Variants in VRTN observed in about 807,000 individuals in gnomAD.
VRTN encodes the protein vertebrae development associated.
In VRTN, 5 loss-of-function variants were observed where a neutral mutation model predicts 18.2. The ratio of observed to expected loss-of-function variants is 0.27; its 90% CI spans 0.14 to 0.58. The LOEUF (loss-of-function observed/expected upper bound fraction) is 0.58. Ranked by LOEUF, VRTN falls within the 20% of genes least tolerant of loss-of-function variation. The pLI is 0.91. For missense variants in VRTN, 741 were observed against 939.4 expected, an observed-to-expected ratio of 0.79 and a Z score of 2.76; for synonymous variants, 381 against 393.7, an observed-to-expected ratio of 0.97 and a Z score of 0.38.
chr14:74,320,316 A>G (rs2085445743), intron 1 of VRTN, among the ~76,000 whole-genome samples: 1 of 123,900 alleles, frequency 8.1e-6, no homozygotes, highest in East Asian at 2.8e-4. Flanking sequence ...GCTGGAGTGC[A>G]GTGGCACAAT....
chr14:74,340,260 G>A (rs887245650), intron 2 of VRTN, among the ~76,000 whole-genome samples: 14 of 152,120 alleles, frequency 9.2e-5, no homozygotes, highest in African/African-American at 3.4e-4. Flanking sequence ...TTATAGGCAT[G>A]TGCCACCACG....
At chr14:74,350,899 CT>C (rs1260429412) in intron 1 of VRTN, among the ~76,000 whole-genome samples, 1 of 152,230 alleles carries the variant, frequency 6.6e-6, no homozygotes, top group Admixed American at 6.5e-5. Context: ...ACATCATGCT[CT>C]CCTCAGGAAA....
At chr14:74,334,618 A>G (rs2085551565) in intron 1 of VRTN, among the ~76,000 whole-genome samples, 2 of 152,236 alleles carry the variant, frequency 1.3e-5, no homozygotes, top group South Asian at 4.1e-4. Context: ...ACTGTTTTCC[A>G]AATTTTATAG....
chr14:74,354,867 C>T (rs1034557059), intron 1 of VRTN, among the ~76,000 whole-genome samples: 5 of 151,810 alleles, frequency 3.3e-5, no homozygotes, highest in African/African-American at 1.2e-4. Flanking sequence ...TAGGGCTGGG[C>T]GTGACGGCTC....
intron 1 of VRTN, among the ~76,000 whole-genome samples, chr14:74,327,710 TTTATTA>T (rs1555410821): frequency 2.6e-5 from 4 of 150,994 alleles, no homozygotes; most frequent in Admixed American, 1.3e-4. Flanking sequence ...TTGATTTTAT[TTTATTA>T]TTATTATTAT....
chr14:74,319,494 T>G (rs1296238951), intron 1 of VRTN, among the ~76,000 whole-genome samples: 1 of 152,190 alleles, frequency 6.6e-6, no homozygotes, highest in Non-Finnish European at 1.5e-5. Context: ...CCGCTTCAAG[T>G]GCAACTTTAA....
At chr14:74,356,318 G>A (rs2085727047) in intron 1 of VRTN, among the ~76,000 whole-genome samples, 1 of 151,788 alleles carries the variant, frequency 6.6e-6, no homozygotes. Context: ...AGAGTAGCTG[G>A]GATTACAGGC....
chr14:74,327,757 C>T (rs1344477383), intron 1 of VRTN, among the ~76,000 whole-genome samples: 1 of 152,012 alleles, frequency 6.6e-6, no homozygotes, highest in East Asian at 1.9e-4. Context: ...CACTTCGTTG[C>T]CCAGGCAGGA....
intron 1 of VRTN, among the ~76,000 whole-genome samples, chr14:74,315,237 G>A (rs538234911): frequency 9.2e-5 from 14 of 152,134 alleles, no homozygotes; most frequent in South Asian, 8.3e-4. Context: ...AAATTGAGAC[G>A]GAGTCTCACT....
rs138726657 is a variant in VRTN, at chr14:74,358,023, T to C, written c.1240T>C (p.Ser414Pro). 7.4e-6 allele frequency: 12 copies of C among 1,614,084 alleles called. No individual in the cohort carries two copies. In the African/African-American group the frequency reaches 1.5e-4, roughly 20 times the overall value. The stretch of plus-strand genomic sequence containing the variant: ...CAAGTTGTACCTGGAGCATTGCATC[T>C]CCCTGAACACACTGGTACCCTATCG... ...RAKLYLEHCI[S>P]LNTLVPYRCF... The change falls in exon 2 of 2, where the codon TCC becomes CCC. Residue 414 changes from serine to proline, a missense_variant. This residue lies in a region of VRTN where 494 missense variants were observed against 546.5 expected (regional missense o/e 0.90). Transcript: ENST00000256362. This position sits in a 1 kb window ranked among gnomAD's most constrained non-coding sequence, Gnocchi z 5.4.
intron 1 of VRTN, among the ~76,000 whole-genome samples, chr14:74,328,630 C>T (rs2085502385): frequency 6.6e-6 from 1 of 152,148 alleles, no homozygotes; most frequent in African/African-American, 2.4e-5. Context: ...ACAAAACATT[C>T]TACAGCTGTT....
intron 2 of VRTN, among the ~76,000 whole-genome samples, chr14:74,340,273 C>A (rs555095226): frequency 1.3e-5 from 2 of 152,130 alleles, no homozygotes; most frequent in Non-Finnish European, 2.9e-5. Flanking sequence ...CCACCACGCC[C>A]GGCTAATTTT....
upstream of VRTN, among the ~76,000 whole-genome samples, chr14:74,344,199 A>G (rs2085626726): frequency 7.3e-6 from 1 of 137,682 alleles, no homozygotes; most frequent in Non-Finnish European, 1.5e-5. Flanking sequence ...ACTTGAACGC[A>G]GGAGTTCAAA....
chr14:74,329,344 G>A (rs1176155249), intron 1 of VRTN, among the ~76,000 whole-genome samples: 1 of 151,878 alleles, frequency 6.6e-6, no homozygotes, highest in African/African-American at 2.4e-5. Context: ...ATCTTCCAGG[G>A]CTCCAGTGAT....
At chr14:74,346,539 G>C (rs948619170), upstream of VRTN, among the ~76,000 whole-genome samples, 2 of 152,070 alleles carry the variant, frequency 1.3e-5, no homozygotes, top group Admixed American at 6.6e-5. Flanking sequence ...CCAGCCTTCC[G>C]AGTAGCTGGG....
At chr14:74,355,787 T>G (rs2085722775) in intron 1 of VRTN, among the ~76,000 whole-genome samples, 1 of 151,938 alleles carries the variant, frequency 6.6e-6, no homozygotes. Context: ...GTGATCTGCC[T>G]GCCTCAGCCT....
rs1039977598 is a variant in VRTN, at chr14:74,308,956, A to G, written c.-164+5780A>G. 2.0e-5 allele frequency among the ~76,000 whole-genome samples: 3 copies of G among 150,348 alleles called. No individual in the cohort carries two copies. In the Admixed American group the frequency reaches 2.0e-4, roughly 10 times the overall value. ...CAGGTCACAGCAACCTCTGCCTCCC[A>G]GGTTAAAGTGATTCTTGTGCCTCAT... On this transcript the variant is annotated intron_variant, in intron 1 of 2. Coordinates refer to the VRTN transcript ENST00000557177.
At chr14:74,336,852 C>G (rs1052273304) in intron 1 of VRTN, among the ~76,000 whole-genome samples, 1 of 151,988 alleles carries the variant, frequency 6.6e-6, no homozygotes, top group African/African-American at 2.4e-5. Context: ...TTTTCTTTCT[C>G]TCCTCTTTTT....
intron 1 of VRTN, among the ~76,000 whole-genome samples, chr14:74,353,065 T>C (rs1276562352): frequency 1.3e-5 from 2 of 151,898 alleles, no homozygotes; most frequent in Non-Finnish European, 2.9e-5. Context: ...CCAAGGTGGG[T>C]GGATCACCTG....
Sources: allele counts gnomAD v4.1 joint callset (sites outside exome capture counted in the v4.1 genomes callset), GRCh38; gene constraint gnomAD v4.1.1; regional missense constraint gnomAD v4.1.1; non-coding constraint Gnocchi (gnomAD v3.1); transcripts MANE v1.5; gene names NCBI Gene and HGNC (gene_info 2026-07-23, HGNC 2026-07-21).